The following STK39 variants were observed in gnomAD, a reference collection of about 807,000 sequenced individuals.
STK39 encodes serine/threonine kinase 39.
STK39 carries 20 observed loss-of-function variants against 77.8 expected under a neutral mutation model. The ratio of observed to expected loss-of-function variants is 0.26; its 90% CI spans 0.18 to 0.37. The LOEUF (loss-of-function observed/expected upper bound fraction) is 0.37. Ranked by LOEUF, STK39 falls within the 10% of genes least tolerant of loss-of-function variation. The pLI, the probability that STK39 is intolerant of heterozygous loss-of-function variation, is 1.00. For synonymous variants in STK39, 246 were observed against 234.1 expected, an observed-to-expected ratio of 1.05 and a Z score of -0.47; for missense variants, 479 against 656.5, an observed-to-expected ratio of 0.73 and a Z score of 2.95.
intron 16 of STK39, among the ~76,000 whole-genome samples, chr2:167,980,144 C>G (rs1683375953): frequency 6.6e-6 from 1 of 152,154 alleles, no homozygotes; most frequent in Non-Finnish European, 1.5e-5. Context: ...GCAATATAGT[C>G]TATGTATAAG....
At chr2:168,019,693 A>ATATT (rs940770269) in intron 14 of STK39, among the ~76,000 whole-genome samples, 8 of 151,906 alleles carry the variant, frequency 5.3e-5, no homozygotes, top group Non-Finnish European at 1.0e-4. Flanking sequence ...AACTTTCTTT[A>ATATT]TATTTATTTA....
chr2:168,100,386 C>A lies in STK39; in HGVS notation c.1090-25155G>T, dbSNP rs547610644. ...AGGTAACCACATGATCAGGATACGT[C>A]ATTTTACCTCTCTGAGCCTCAGTGT... On this transcript the variant is annotated intron_variant, in intron 10 of 17. Transcript: ENST00000355999. Among the ~76,000 whole-genome samples, 3 of 152,242 alleles carry A rather than the reference C, an allele frequency of 2.0e-5. No individual in the cohort carries two copies. The South Asian group carries it at 6.2e-4, about 32-fold the overall frequency.
chr2:168,021,946 C>G (rs1684582719), intron 14 of STK39, among the ~76,000 whole-genome samples: 1 of 152,140 alleles, frequency 6.6e-6, no homozygotes, highest in South Asian at 2.1e-4. Flanking sequence ...TTGGTGCATA[C>G]TTCTTGAGAT....
At chr2:168,113,081 T>A (rs971286579) in intron 10 of STK39, 1 of 152,236 alleles carries the variant, frequency 6.6e-6, no homozygotes, top group Non-Finnish European at 1.5e-5. Flanking sequence ...CCCTAAACTG[T>A]TTCCCAGCCC....
At chr2:168,069,540 C>G (rs1013414900) in intron 12 of STK39, among the ~76,000 whole-genome samples, 3 of 152,196 alleles carry the variant, frequency 2.0e-5, no homozygotes, top group African/African-American at 7.2e-5. Flanking sequence ...CAAGGGATTT[C>G]TGAAACATTT....
At chr2:168,143,028 G>A (rs1688036221) in intron 5 of STK39, among the ~76,000 whole-genome samples, 1 of 152,132 alleles carries the variant, frequency 6.6e-6, no homozygotes, top group African/African-American at 2.4e-5. Context: ...TTCCTAAGGG[G>A]TACATCTATA....
At chr2:167,980,163 T>C (rs1683376277) in intron 16 of STK39, among the ~76,000 whole-genome samples, 1 of 152,174 alleles carries the variant, frequency 6.6e-6, no homozygotes, top group Non-Finnish European at 1.5e-5. Flanking sequence ...AGATCAGAAA[T>C]AATTTGTGTC....
intron 14 of STK39, among the ~76,000 whole-genome samples, chr2:168,030,110 G>A (rs571406090): frequency 3.1e-4 from 47 of 152,224 alleles, no homozygotes; most frequent in African/African-American, 5.8e-4. Context: ...GTGTGGTGGC[G>A]GGCGCCGGTA....
At chr2:168,234,168 C>A (rs1690535579) in intron 1 of STK39, among the ~76,000 whole-genome samples, 2 of 152,158 alleles carry the variant, frequency 1.3e-5, no homozygotes, top group African/African-American at 4.8e-5. Context: ...CTACTTACAG[C>A]CATCATAACA....
intron 14 of STK39, among the ~76,000 whole-genome samples, chr2:168,036,667 T>G (rs533855488): frequency 1.3e-5 from 2 of 152,314 alleles, no homozygotes; most frequent in East Asian, 3.9e-4. Context: ...CAGCACCCAT[T>G]GCATGCTCAG....
At chr2:168,101,621 C>T (rs1189858705) in intron 10 of STK39, among the ~76,000 whole-genome samples, 2 of 152,024 alleles carry the variant, frequency 1.3e-5, no homozygotes, top group East Asian at 1.9e-4. Context: ...ACCTATAGTC[C>T]CAGCTACTCT....
chr2:168,124,724 G>A (rs1320537550), intron 10 of STK39, among the ~76,000 whole-genome samples: 1 of 152,086 alleles, frequency 6.6e-6, no homozygotes, highest in East Asian at 1.9e-4. Context: ...GAAAGCCACA[G>A]AAAGCATATG....
chr2:167,979,718 G>A (rs1463980091), intron 16 of STK39, among the ~76,000 whole-genome samples: 2 of 152,212 alleles, frequency 1.3e-5, no homozygotes, highest in South Asian at 4.1e-4. Context: ...ATCTTGGAAA[G>A]TGTGCTAGAG....
chr2:168,104,986 C>G (rs1009355690), intron 10 of STK39, among the ~76,000 whole-genome samples: 2 of 152,162 alleles, frequency 1.3e-5, no homozygotes, highest in African/African-American at 4.8e-5. Context: ...AAATCATGTA[C>G]AGATGTGGAA....
chr2:168,042,801 AAC>A (rs2105354499), intron 14 of STK39, among the ~76,000 whole-genome samples: 1 of 151,936 alleles, frequency 6.6e-6, no homozygotes, highest in East Asian at 1.9e-4. Flanking sequence ...GCTGGTCTTG[AAC>A]TCCTGACCTT....
chr2:168,038,585 G>A (rs1072542), intron 14 of STK39, among the ~76,000 whole-genome samples: 1 of 151,920 alleles, frequency 6.6e-6, no homozygotes, highest in Non-Finnish European at 1.5e-5. Context: ...TTTTTATCAA[G>A]ATTTAAAACT....
At chr2:168,233,393 T>C (rs1350628316) in intron 1 of STK39, among the ~76,000 whole-genome samples, 5 of 152,178 alleles carry the variant, frequency 3.3e-5, no homozygotes, top group Non-Finnish European at 7.3e-5. Flanking sequence ...TACACACTGT[T>C]CCTGAGTTGC....
In STK39 at chr2:167,978,781, G is replaced by A. The variant is rs537698498; in HGVS notation, c.1499-14055C>T. 9.9e-5 allele frequency among the ~76,000 whole-genome samples: 15 copies of A among 152,032 alleles called. No homozygotes were observed. The South Asian group carries it at 2.1e-3, about 21-fold the overall frequency. On this transcript the variant is annotated intron_variant, in intron 16 of 17. Transcript: ENST00000355999. ...CCTCCCATCTTCCTCTTCCTGATCCGCTGCCTTCTCAAGGAAACCACTGAT... is the reference window on the plus strand; with the variant it reads ...CCTCCCATCTTCCTCTTCCTGATCCACTGCCTTCTCAAGGAAACCACTGAT...
At chr2:168,138,051 A>G in intron 8 of STK39, 37 bp downstream of exon 8, 1 of 1,602,986 alleles carries the variant, frequency 6.2e-7, no homozygotes, top group Non-Finnish European at 8.5e-7. Flanking sequence ...TCATGGCTCA[A>G]ACCAGGTCAT....
Sources: gnomAD v4.1 joint callset for allele counts (sites outside exome capture counted in the v4.1 genomes callset) on GRCh38, gnomAD v4.1.1 for gene constraint, MANE v1.5 for transcripts, NCBI Gene and HGNC (gene_info 2026-07-23, HGNC 2026-07-21) for gene names.